The following PLXDC2 variants were observed in gnomAD, a reference collection of about 807,000 sequenced individuals.
PLXDC2 encodes plexin domain containing 2.
Under a neutral mutation model 68.9 loss-of-function variants are expected in PLXDC2, and 40 were observed. The observed-to-expected ratio is 0.58, with a 90% CI of 0.45 to 0.76. PLXDC2 has a LOEUF of 0.76. Among genes scored for constraint, PLXDC2 ranks in the 30% least tolerant of loss-of-function variants. The pLI, the probability that PLXDC2 is intolerant of heterozygous loss-of-function variation, is 0.00. For missense variants in PLXDC2, 644 were observed against 661.9 expected (o/e 0.97, Z 0.30); for synonymous variants, 243 against 234.2 (o/e 1.04, Z -0.34).
intron 1 of PLXDC2, among the ~76,000 whole-genome samples, chr10:19,971,989 C>T (rs1233824901): frequency 1.3e-5 from 2 of 151,882 alleles, no homozygotes; most frequent in Admixed American, 6.6e-5. Context: ...GAGTGGCATG[C>T]GTTGTGCATA....
chr10:20,074,512 C>CT (rs1371080024), intron 4 of PLXDC2, among the ~76,000 whole-genome samples: 1 of 151,968 alleles, frequency 6.6e-6, no homozygotes, highest in Middle Eastern at 3.4e-3. Flanking sequence ...TAATCATTAG[C>CT]TTTTTTTCTG....
chr10:20,008,655 G>A (rs1224941748), intron 2 of PLXDC2, among the ~76,000 whole-genome samples: 1 of 152,154 alleles, frequency 6.6e-6, no homozygotes, highest in African/African-American at 2.4e-5. Context: ...TGTTATGTTT[G>A]CGGTATAGAG....
chr10:19,922,942 G>C (rs2131382309), intron 1 of PLXDC2, among the ~76,000 whole-genome samples: 1 of 152,170 alleles, frequency 6.6e-6, no homozygotes, highest in South Asian at 2.1e-4. Flanking sequence ...CAAATGCAAA[G>C]CTTTTTAAAA....
chr10:19,892,287 C>A (rs974456275), intron 1 of PLXDC2, among the ~76,000 whole-genome samples: 5 of 152,180 alleles, frequency 3.3e-5, no homozygotes, highest in African/African-American at 1.2e-4. Flanking sequence ...AGGCGAATGT[C>A]TGTGGCATGG....
At chr10:19,942,010 G>A (rs1833828855) in intron 1 of PLXDC2, among the ~76,000 whole-genome samples, 1 of 151,606 alleles carries the variant, frequency 6.6e-6, no homozygotes, top group Admixed American at 6.6e-5. Context: ...TTTTGGAGTG[G>A]AGCTTTTTAA....
At chr10:19,822,994 C>G (rs1303402196) in intron 1 of PLXDC2, among the ~76,000 whole-genome samples, 1 of 151,992 alleles carries the variant, frequency 6.6e-6, no homozygotes, top group Admixed American at 6.6e-5. Context: ...CAGCTCACTG[C>G]AAGCACCGCC....
At chr10:20,222,748 G>T (rs1044488647) in intron 12 of PLXDC2, among the ~76,000 whole-genome samples, 5 of 152,118 alleles carry the variant, frequency 3.3e-5, no homozygotes, top group African/African-American at 1.2e-4. Flanking sequence ...AGCTACTCAG[G>T]AGGCTGAGGC....
chr10:20,233,228 A>G (rs748278402), intron 12 of PLXDC2, among the ~76,000 whole-genome samples: 2 of 152,030 alleles, frequency 1.3e-5, no homozygotes, highest in Non-Finnish European at 2.9e-5. Context: ...TGGGCTTTAA[A>G]ACTCTGTGAT....
chr10:20,004,563 C>T (rs1042916822), intron 2 of PLXDC2, among the ~76,000 whole-genome samples: 3 of 152,086 alleles, frequency 2.0e-5, no homozygotes, highest in East Asian at 1.9e-4. Flanking sequence ...CATCCCTATT[C>T]GGCTAAAAGC....
In PLXDC2 at chr10:20,034,766, A is replaced by G. The variant is rs117188308; in HGVS notation, c.325-12103A>G. On this transcript the variant is annotated intron_variant, in intron 2 of 13. Coordinates refer to ENST00000377252, the MANE Select transcript of PLXDC2 (RefSeq NM_032812.9). The stretch of plus-strand genomic sequence containing the variant: ...ACAGTGATTCTGTATTTTTACCGTA[A>G]CTTTTCTGTTAAGATACACAAATGC... 9.2e-5 allele frequency among the ~76,000 whole-genome samples: 14 copies of G among 152,280 alleles called. No homozygotes were observed. The East Asian group carries it at 1.3e-3, about 15-fold the overall frequency.
intron 13 of PLXDC2, among the ~76,000 whole-genome samples, chr10:20,267,030 C>T (rs547757765): frequency 1.3e-5 from 2 of 152,020 alleles, no homozygotes; most frequent in Non-Finnish European, 2.9e-5. Context: ...CCTAAAGAGA[C>T]ATAAAACTCT....
At chr10:19,846,301 C>G (rs2131322200) in intron 1 of PLXDC2, among the ~76,000 whole-genome samples, 1 of 152,186 alleles carries the variant, frequency 6.6e-6, no homozygotes, top group East Asian at 1.9e-4. Context: ...CATTATTTTT[C>G]TCCATTAATC....
Position 20,270,783 on chromosome 10 carries a change from A to G in PLXDC2, c.1474-8920A>G, listed in dbSNP as rs564343464. ...GTAATCTGCCTGCCTCAGCCTCCCA[A>G]AGTGCTGGAATTACAGGTGTGAGCC... On this transcript the variant is annotated intron_variant, in intron 13 of 13. Coordinates refer to ENST00000377252, the MANE Select transcript of PLXDC2 (RefSeq NM_032812.9). Among the ~76,000 whole-genome samples the G allele has an allele frequency of 1.4e-4, 22 of 152,118 alleles. No individual in the cohort carries two copies. The East Asian group carries it at 2.1e-3, about 15-fold the overall frequency.
At chr10:20,229,132 A>G (rs1424600616) in intron 12 of PLXDC2, among the ~76,000 whole-genome samples, 2 of 152,126 alleles carry the variant, frequency 1.3e-5, no homozygotes, top group African/African-American at 4.8e-5. Context: ...GAGTCAAAAG[A>G]TGACTGGGAG....
At chr10:19,840,168 T>C (rs537693470) in intron 1 of PLXDC2, among the ~76,000 whole-genome samples, 2 of 152,264 alleles carry the variant, frequency 1.3e-5, no homozygotes, top group South Asian at 4.2e-4. Context: ...GATTGACAGT[T>C]AATATCTATA....
chr10:19,872,222 T>G (rs1432916758), intron 1 of PLXDC2, among the ~76,000 whole-genome samples: 2 of 152,062 alleles, frequency 1.3e-5, no homozygotes, highest in Non-Finnish European at 1.5e-5. Context: ...GCAGGTCAAG[T>G]AGGAGAGAAA....
intron 4 of PLXDC2, among the ~76,000 whole-genome samples, chr10:20,127,807 T>C (rs1167460902): frequency 3.9e-5 from 6 of 151,966 alleles, no homozygotes. Flanking sequence ...CTAGGCAACA[T>C]AGCAAGACCC....
At chr10:20,168,726 A>T (rs150990809) in intron 7 of PLXDC2, among the ~76,000 whole-genome samples, 1 of 152,320 alleles carries the variant, frequency 6.6e-6, no homozygotes, top group Non-Finnish European at 1.5e-5. Flanking sequence ...TTGGTTGTTC[A>T]TTTCAGAAAT....
chr10:20,256,531 C>T (rs1835744397), intron 13 of PLXDC2, among the ~76,000 whole-genome samples: 1 of 152,054 alleles, frequency 6.6e-6, no homozygotes, highest in Admixed American at 6.6e-5. Flanking sequence ...GAAGAAAATA[C>T]TTTCTTTTAC....
Sources: allele counts gnomAD v4.1 joint callset (sites outside exome capture counted in the v4.1 genomes callset), GRCh38; gene constraint gnomAD v4.1.1; transcripts MANE v1.5; gene names NCBI Gene and HGNC (gene_info 2026-07-23, HGNC 2026-07-21).